Variants in C10orf53 observed in about 807,000 individuals in gnomAD.
C10orf53 encodes chromosome 10 open reading frame 53, also known as UPF0728 protein C10orf53.
A neutral mutation model predicts 9.4 loss-of-function variants in C10orf53; 8 were observed. The ratio of observed to expected loss-of-function variants is 0.85; its 90% CI spans 0.50 to 1.53. The LOEUF (loss-of-function observed/expected upper bound fraction) is 1.53. Ranked by LOEUF, C10orf53 falls within the 40% of genes most tolerant of loss-of-function variation. The pLI, the probability that C10orf53 is intolerant of heterozygous loss-of-function variation, is 0.00. For missense variants in C10orf53, 117 were observed against 117.8 expected, an observed-to-expected ratio of 0.99 and a Z score of 0.03; for synonymous variants, 48 against 46.0, an observed-to-expected ratio of 1.04 and a Z score of -0.18.
rs1397733991 is a variant in C10orf53, at chr10:49,696,017, AAT to A, written c.*1417_*1418del. 1 of 152,230 alleles carries A rather than the reference AAT, an allele frequency of 6.6e-6. No homozygotes were observed. The highest frequency in any genetic ancestry group is 1.5e-5 in the Non-Finnish European group (1 of 68,040). 9.4% of individuals were successfully genotyped at this position (152,230 alleles called of 1,614,324 possible). On this transcript the variant is annotated 3_prime_UTR_variant, in exon 3 of 3. Coordinates refer to ENST00000374111, the MANE Select transcript of C10orf53 (RefSeq NM_001042427.3). ...AGAAAAATGGAAAAATACAGGTAAA[AAT>A]AAAGTACAACTTTAGTAACATTTTT...
chr10:49,685,845 T>C (rs1176316980), intron 1 of C10orf53, among the ~76,000 whole-genome samples: 1 of 152,218 alleles, frequency 6.6e-6, no homozygotes, highest in African/African-American at 2.4e-5. Flanking sequence ...TTGGTTGAGC[T>C]TCTTGGATAG....
rs1184382692 is a variant in C10orf53 at position 49,708,749 on chromosome 10, C to T, written c.*132C>T. 12 of 1,364,080 alleles carry T rather than the reference C, an allele frequency of 8.8e-6. No individual in the cohort carries two copies. The Admixed American group carries it at 1.1e-4, about 12-fold the overall frequency. 84.5% of individuals were successfully genotyped at this position (1,364,080 alleles called of 1,614,324 possible). A position where few individuals can be genotyped will look rare whatever the true frequency, so the allele number is the denominator to read the frequency against. On this transcript the variant is annotated 3_prime_UTR_variant, in exon 3 of 3. Transcript: ENST00000374112. Reference sequence around the variant, plus strand: ...TTGTCCCACATCTCCCGAACCTCTCCAGCTAGATGTCCCACAGGCAACCTG... The same window carrying T: ...TTGTCCCACATCTCCCGAACCTCTCTAGCTAGATGTCCCACAGGCAACCTG...
At position 49,697,216 on chromosome 10, in the gene C10orf53, C is replaced by A. The variant is rs1481563709; in HGVS notation, c.*2614C>A. 9.9e-5 allele frequency among the ~76,000 whole-genome samples: 15 copies of A among 152,154 alleles called. No homozygotes were observed. The highest frequency in any genetic ancestry group is 3.4e-4 in the African/African-American group (14 of 41,436). On this transcript the variant is annotated 3_prime_UTR_variant, in exon 3 of 3. Coordinates refer to ENST00000374111, the MANE Select transcript of C10orf53 (RefSeq NM_001042427.3). ...TCAGAAAATAAAATAAAGATTTTGA[C>A]ATAGAAGCCACCTGTCTATGGCCTT...
At chr10:49,702,011 G>A (rs1278753631), downstream of C10orf53, among the ~76,000 whole-genome samples, 1 of 152,088 alleles carries the variant, frequency 6.6e-6, no homozygotes, top group Admixed American at 6.6e-5. Flanking sequence ...AGATCAGCCT[G>A]GCTAACATGG....
intron 1 of C10orf53, among the ~76,000 whole-genome samples, chr10:49,683,193 A>G (rs989584133): frequency 3.9e-5 from 6 of 152,140 alleles, no homozygotes; most frequent in African/African-American, 9.7e-5. Context: ...AAGGATTTCA[A>G]TTTTCTTTGG....
At chr10:49,705,637 C>T (rs1055915874) in intron 2 of C10orf53, among the ~76,000 whole-genome samples, 10 of 151,892 alleles carry the variant, frequency 6.6e-5, no homozygotes, top group African/African-American at 9.7e-5. Context: ...CAAAATAGAT[C>T]GAAGACCTAT....
chr10:49,694,286 G>T (rs887245592), intron 2 of C10orf53: 3 of 599,560 alleles, frequency 5.0e-6, no homozygotes, highest in Non-Finnish European at 8.7e-6. Context: ...GAGTTGATAT[G>T]CCAGCAGTGC....
intron 1 of C10orf53, among the ~76,000 whole-genome samples, chr10:49,684,199 A>G (rs533589612): frequency 1.3e-5 from 2 of 152,298 alleles, no homozygotes; most frequent in East Asian, 1.9e-4. Flanking sequence ...TAGGCTCTCA[A>G]TTCTATTCCA....
At chr10:49,704,286 C>A (rs1433685976) in intron 2 of C10orf53, among the ~76,000 whole-genome samples, 2 of 152,148 alleles carry the variant, frequency 1.3e-5, no homozygotes, top group Non-Finnish European at 2.9e-5. Context: ...ATATCCTTAA[C>A]CTACAGAGAG....
In C10orf53 at chr10:49,695,027, G is replaced by A. The variant is rs1590644921; in HGVS notation, c.*425G>A. On this transcript the variant is annotated 3_prime_UTR_variant, in exon 3 of 3. Transcript: ENST00000374111. ...GGTTGGGGGAAGAGTGGGAATAAAGGCTTTTGAAAGTCTGAACCAAAAGCA... is the reference window on the plus strand; with the variant it reads ...GGTTGGGGGAAGAGTGGGAATAAAGACTTTTGAAAGTCTGAACCAAAAGCA... 11 of 867,196 alleles carry A rather than the reference G, an allele frequency of 1.3e-5. No individual in the cohort carries two copies. Among genetic ancestry groups the A allele is most frequent in the Non-Finnish European group, 1.5e-5 (11 of 721,356 alleles). 53.7% of individuals were successfully genotyped at this position (867,196 alleles called of 1,614,324 possible).
rs1840624925 is a variant in C10orf53 at position 49,695,323 on chromosome 10, T to A, written c.*721T>A. 1 of 152,212 alleles carries A rather than the reference T, an allele frequency of 6.6e-6. No individual in the cohort carries two copies. The highest frequency in any genetic ancestry group is 1.5e-5 in the Non-Finnish European group (1 of 68,044). The allele number at this position is 152,212 out of a possible 1,614,324, so 9.4% of individuals were successfully genotyped here. ...AAGAGGGTTTTCACTATGTTCAGTG[T>A]GAAAATCAGTCATGTCGAAATGATA... On this transcript the variant is annotated 3_prime_UTR_variant, in exon 3 of 3. Transcript: ENST00000374111.
rs1474669971 is a variant in C10orf53 at position 49,693,761 on chromosome 10, C to G, written c.98-13C>G. ...GACCCCATGTCACTCACCTCCTTTTCTTTCCTTCCCAGCTGTGTTGGCCAT... is the reference window on the plus strand; with the variant it reads ...GACCCCATGTCACTCACCTCCTTTTGTTTCCTTCCCAGCTGTGTTGGCCAT... On this transcript the variant is annotated splice_polypyrimidine_tract_variant and intron_variant, in intron 1 of 2. Transcript: ENST00000374111. 6.2e-7 allele frequency: 1 copy of G among 1,611,912 alleles called. No individual in the cohort carries two copies. The highest frequency in any genetic ancestry group is 1.3e-5 in the African/African-American group (1 of 74,852).
At chr10:49,680,944 G>T (rs1840473386) in intron 1 of C10orf53, among the ~76,000 whole-genome samples, 1 of 152,186 alleles carries the variant, frequency 6.6e-6, no homozygotes, top group Admixed American at 6.5e-5. Context: ...AGTCTATTTT[G>T]GTCATACAGA....
chr10:49,692,756 A>C (rs11101212), intron 1 of C10orf53, among the ~76,000 whole-genome samples: 1 of 152,234 alleles, frequency 6.6e-6, no homozygotes, highest in Non-Finnish European at 1.5e-5. Context: ...TCTAATCCAC[A>C]CACCTTTGCA....
At chr10:49,702,953 CA>C (rs1840694919) in intron 2 of C10orf53, among the ~76,000 whole-genome samples, 1 of 152,034 alleles carries the variant, frequency 6.6e-6, no homozygotes, top group African/African-American at 2.4e-5. Context: ...GAGGAAGGGA[CA>C]AAAAGAGGGG....
chr10:49,687,891 C>T (rs988162190), intron 1 of C10orf53, among the ~76,000 whole-genome samples: 1 of 152,018 alleles, frequency 6.6e-6, no homozygotes, highest in African/African-American at 2.4e-5. Context: ...CTTAAGAGTC[C>T]AATTTTGGAA....
intron 1 of C10orf53, among the ~76,000 whole-genome samples, chr10:49,682,070 TTCAC>T (rs1431767218): frequency 2.6e-5 from 4 of 152,240 alleles, no homozygotes; most frequent in African/African-American, 9.6e-5. Context: ...TTAGTTTATG[TTCAC>T]TGTCTCTAAA....
At chr10:49,697,753 T>C (rs1840648043), downstream of C10orf53, among the ~76,000 whole-genome samples, 1 of 152,294 alleles carries the variant, frequency 6.6e-6, no homozygotes, top group African/African-American at 2.4e-5. Context: ...GCTTTCTCCA[T>C]GTTGGCCAGG....
At chr10:49,681,300 C>T (rs1231359763) in intron 1 of C10orf53, among the ~76,000 whole-genome samples, 2 of 152,092 alleles carry the variant, frequency 1.3e-5, no homozygotes, top group Non-Finnish European at 2.9e-5. Context: ...GAGATGAGAG[C>T]CCAGGAATGA....
Sources: allele counts gnomAD v4.1 joint callset (sites outside exome capture counted in the v4.1 genomes callset), GRCh38; gene constraint gnomAD v4.1.1; transcripts MANE v1.5; gene names NCBI Gene and HGNC (gene_info 2026-07-23, HGNC 2026-07-21).